MROH2A: variants seen among roughly 807,000 people sequenced by gnomAD.
The protein encoded by MROH2A is maestro heat like repeat family member 2A.
MROH2A carries 174 observed loss-of-function variants against 200.4 expected under a neutral mutation model. The observed-to-expected ratio is 0.87, with a 90% CI of 0.77 to 0.98. The LOEUF (loss-of-function observed/expected upper bound fraction) is 0.98, where lower values mean the gene tolerates loss of function less well. Ranked by LOEUF, MROH2A falls within the 50% of genes least tolerant of loss-of-function variation. MROH2A has a pLI of 0.00. For missense variants in MROH2A, 2,045 were observed against 2,139.6 expected, an observed-to-expected ratio of 0.96 and a Z score of 0.87; for synonymous variants, 829 against 840.4, an observed-to-expected ratio of 0.99 and a Z score of 0.23.
intron 39 of MROH2A, 118 bp downstream of exon 39, chr2:233,831,658 C>G: frequency 8.8e-7 from 1 of 1,131,962 alleles, no homozygotes; most frequent in South Asian, 1.6e-5. Context: ...TCCACACATG[C>G]CATGTCGAGA....
At chr2:233,799,079 C>T (rs1702294004) in intron 12 of MROH2A, among the ~76,000 whole-genome samples, 5 of 152,300 alleles carry the variant, frequency 3.3e-5, no homozygotes, top group Admixed American at 2.0e-4. Context: ...TCAGGCACCA[C>T]CTTGGACCCA....
rs768521925 is a variant in MROH2A at position 233,807,341 on chromosome 2, C to G, written c.2053-82C>G. The stretch of plus-strand genomic sequence containing the variant: ...GCACATTAAAATAAATTGAAAAATA[C>G]GTAGAAAACTCTCTACAACAGCACC... On this transcript the variant is annotated intron_variant, in intron 19 of 41. Coordinates refer to ENST00000389758, the MANE Select transcript of MROH2A (RefSeq NM_001394639.1). This position sits in a 1 kb window ranked among gnomAD's most constrained non-coding sequence, Gnocchi z 4.3. 1 of 1,358,152 alleles carries G rather than the reference C, an allele frequency of 7.4e-7. No individual in the cohort carries two copies. The highest frequency in any genetic ancestry group is 9.9e-7 in the Non-Finnish European group (1 of 1,013,888). The allele number at this position is 1,358,152 out of a possible 1,614,324, so 84.1% of individuals were successfully genotyped here.
At chr2:233,830,594 G>A (rs73996362) in intron 38 of MROH2A, among the ~76,000 whole-genome samples, 1,568 of 152,154 alleles carry the variant, frequency 0.01, 20 homozygotes, top group African/African-American at 0.036. Context: ...TGGCCCAGAT[G>A]GCCTGGGTGG....
chr2:233,808,541 G>A (rs937822438), intron 21 of MROH2A, among the ~76,000 whole-genome samples: 3 of 151,938 alleles, frequency 2.0e-5, no homozygotes, highest in East Asian at 1.9e-4. Flanking sequence ...GAAGAAAATC[G>A]AGAGAGTCCC....
At chr2:233,810,128 T>A (rs1703061202) in intron 22 of MROH2A, among the ~76,000 whole-genome samples, 1 of 151,902 alleles carries the variant, frequency 6.6e-6, no homozygotes, top group Non-Finnish European at 1.5e-5. Flanking sequence ...TCGGGGCCCC[T>A]GGTCACTGAA....
chr2:233,795,598 G>A (rs1702053956), intron 8 of MROH2A, 55 bp from the exon 9 acceptor site: 4 of 1,550,578 alleles, frequency 2.6e-6, no homozygotes, highest in Non-Finnish European at 3.5e-6. Flanking sequence ...AGGGTCTAGA[G>A]TTTGACCTTG....
At chr2:233,797,731 C>T (rs1702210115) in intron 11 of MROH2A, among the ~76,000 whole-genome samples, 1 of 152,118 alleles carries the variant, frequency 6.6e-6, no homozygotes, top group Non-Finnish European at 1.5e-5. Context: ...CTCTCCCTCC[C>T]CTTTCCCCCA....
chr2:233,809,099 TG>T (rs1283010770), intron 21 of MROH2A, 26 bp from the exon 22 acceptor site: 2 of 1,538,560 alleles, frequency 1.3e-6, no homozygotes, highest in Non-Finnish European at 1.8e-6. Context: ...CTGCCCCCAG[TG>T]GTTCTTTTTC....
At chr2:233,819,781 C>CG in intron 30 of MROH2A, 121 bp from the exon 31 acceptor site, 1 of 1,133,768 alleles carries the variant, frequency 8.8e-7, no homozygotes, top group Non-Finnish European at 1.2e-6. Context: ...GGGTGCTGGG[C>CG]GCTTAACCTC....
At chr2:233,787,700 C>T (rs1471424792) in intron 3 of MROH2A, among the ~76,000 whole-genome samples, 5 of 23,150 alleles carry the variant, frequency 2.2e-4, no homozygotes, top group East Asian at 2.6e-3. Flanking sequence ...TTATATATAT[C>T]ATATAAACAT....
chr2:233,786,102 G>A (rs1265020868), intron 3 of MROH2A, among the ~76,000 whole-genome samples: 3 of 152,100 alleles, frequency 2.0e-5, no homozygotes, highest in African/African-American at 7.2e-5. Flanking sequence ...TTTATAAGGG[G>A]TTTCCCCTTT....
chr2:233,782,348 T>G (rs1187336888), intron 3 of MROH2A, among the ~76,000 whole-genome samples: 1 of 152,208 alleles, frequency 6.6e-6, no homozygotes, highest in Non-Finnish European at 1.5e-5. Flanking sequence ...AGCTTTCCAT[T>G]TTTTGGTGTC....
In MROH2A at chr2:233,789,408, G is replaced by T. The variant is rs570834927; in HGVS notation, c.277-89G>T. ...GTGTGTTTGGAGGCTGGTGGTTTGG[G>T]TGTAGGGAAGGAGGACAGTGGGAGA... is the stretch of plus-strand genomic sequence containing the variant. On this transcript the variant is annotated intron_variant, in intron 3 of 41. Coordinates refer to ENST00000389758, the MANE Select transcript of MROH2A (RefSeq NM_001394639.1). 7 of 1,241,752 alleles carry T rather than the reference G, an allele frequency of 5.6e-6. No homozygotes were observed. In the African/African-American group the frequency reaches 9.3e-5, roughly 16 times the overall value. 76.9% of individuals were successfully genotyped at this position (1,241,752 alleles called of 1,614,324 possible). A position where few individuals can be genotyped will look rare whatever the true frequency, so the allele number is the denominator to read the frequency against.
intron 24 of MROH2A, among the ~76,000 whole-genome samples, 167 bp from the exon 25 acceptor site, chr2:233,813,503 T>C (rs1437652403): frequency 6.6e-6 from 1 of 152,208 alleles, no homozygotes; most frequent in Non-Finnish European, 1.5e-5. Context: ...CACTGGTTAC[T>C]GGTCAGAGCC....
At chr2:233,777,130 C>G (rs562969003), upstream of MROH2A, among the ~76,000 whole-genome samples, 8 of 152,206 alleles carry the variant, frequency 5.3e-5, 1 homozygote, top group African/African-American at 9.7e-5. Context: ...CTATAATAAT[C>G]GGTTGTTTTC....
intron 10 of MROH2A, 68 bp downstream of exon 10, chr2:233,796,113 C>T (rs151099222): frequency 1.3e-6 from 2 of 1,515,178 alleles, no homozygotes; most frequent in East Asian, 2.5e-5. Context: ...GGAGTCCCGG[C>T]CCCTCTGAGC....
At chr2:233,792,924 G>A (rs1447947185) in intron 6 of MROH2A, 30 bp downstream of exon 6, 3 of 1,549,126 alleles carry the variant, frequency 1.9e-6, no homozygotes, top group Admixed American at 2.0e-5. Context: ...CTGCAGGTCT[G>A]GCTCGATCAG....
In MROH2A at chr2:233,803,447, G is replaced by A. The variant is rs1353144450; in HGVS notation, c.1709-1G>A. ...GCTGGGGTTGCATTTCCTTCAATCAGTGGACCTGCCTGCACCTCAGAAGCT... is the reference window on the plus strand; with the variant it reads ...GCTGGGGTTGCATTTCCTTCAATCAATGGACCTGCCTGCACCTCAGAAGCT... On this transcript the variant is annotated splice_acceptor_variant, in intron 15 of 41. Transcript: ENST00000389758. LOFTEE classifies it high-confidence loss of function. 2.6e-6 allele frequency: 4 copies of A among 1,550,392 alleles called. No individual in the cohort carries two copies. The African/African-American group carries it at 5.5e-5, about 21-fold the overall frequency.
At chr2:233,805,578 C>G (rs541413045) in intron 19 of MROH2A, among the ~76,000 whole-genome samples, 2 of 152,116 alleles carry the variant, frequency 1.3e-5, no homozygotes, top group Admixed American at 6.5e-5. Context: ...ATGGAAATAC[C>G]AGAGGCTCTG....
Sources: allele counts gnomAD v4.1 joint callset (sites outside exome capture counted in the v4.1 genomes callset), GRCh38; gene constraint gnomAD v4.1.1; non-coding constraint Gnocchi (gnomAD v3.1); transcripts MANE v1.5; gene names NCBI Gene and HGNC (gene_info 2026-07-23, HGNC 2026-07-21).